RALGAPA1: variants seen among roughly 807,000 people sequenced by gnomAD.
RALGAPA1 encodes Ral GTPase activating protein catalytic subunit alpha 1, also known as ral GTPase-activating protein subunit alpha-1.
RALGAPA1 carries 52 observed loss-of-function variants against 269.6 expected under a neutral mutation model. The ratio of observed to expected loss-of-function variants is 0.19; its 90% CI spans 0.15 to 0.24. RALGAPA1 has a LOEUF of 0.24. RALGAPA1 is among the 10% of genes least tolerant of loss of function. The pLI, the probability that RALGAPA1 is intolerant of heterozygous loss-of-function variation, is 1.00. For synonymous variants in RALGAPA1, 817 were observed against 1,008.3 expected (o/e 0.81, Z 3.60); for missense variants, 1,917 against 3,013.9 (o/e 0.64, Z 8.52).
chr14:35,553,754 A>T (rs1368371619), intron 39 of RALGAPA1, among the ~76,000 whole-genome samples: 1 of 152,214 alleles, frequency 6.6e-6, no homozygotes, highest in African/African-American at 2.4e-5. Context: ...AGATATCAAA[A>T]ATCTGTATAA....
intron 1 of RALGAPA1, among the ~76,000 whole-genome samples, chr14:35,787,863 T>C (rs1421453292): frequency 6.6e-6 from 1 of 152,114 alleles, no homozygotes; most frequent in Non-Finnish European, 1.5e-5. Flanking sequence ...ATTGCAGTTG[T>C]AAGCCACTGC....
At chr14:35,796,406 T>C (rs1328649697) in intron 1 of RALGAPA1, among the ~76,000 whole-genome samples, 4 of 152,190 alleles carry the variant, frequency 2.6e-5, no homozygotes, top group African/African-American at 4.8e-5. Flanking sequence ...ACTAATCTAA[T>C]ATTAATATTC....
chr14:35,772,980 A>T (rs906283411), intron 3 of RALGAPA1, among the ~76,000 whole-genome samples: 4 of 152,212 alleles, frequency 2.6e-5, no homozygotes, highest in Admixed American at 6.5e-5. Flanking sequence ...CATGAGACAC[A>T]TAAACTCTTT....
At chr14:35,564,557 C>T (rs2056543808) in intron 39 of RALGAPA1, 1 of 152,094 alleles carries the variant, frequency 6.6e-6, no homozygotes, top group African/African-American at 2.4e-5. Context: ...TTCTGGTAAT[C>T]TCCCTGATCA....
chr14:35,750,766 A>T, intron 8 of RALGAPA1, 76 bp from the exon 9 acceptor site: 1 of 1,204,540 alleles, frequency 8.3e-7, no homozygotes, highest in Non-Finnish European at 1.2e-6. Flanking sequence ...ATTTTTAAAT[A>T]CTTGAGAAAA....
intron 36 of RALGAPA1, among the ~76,000 whole-genome samples, chr14:35,603,022 C>T (rs1357011091): frequency 3.3e-5 from 5 of 152,198 alleles, no homozygotes; most frequent in African/African-American, 9.6e-5. Context: ...ATGGTTGTGG[C>T]ACCCTTGTCA....
intron 32 of RALGAPA1, among the ~76,000 whole-genome samples, chr14:35,635,173 A>G (rs1161573110): frequency 7.9e-6 from 1 of 126,058 alleles, no homozygotes; most frequent in Non-Finnish European, 1.5e-5. Flanking sequence ...CTCCGTTTCA[A>G]TAAAAGAAAA....
At chr14:35,806,925 G>A (rs1309831099) in intron 1 of RALGAPA1, among the ~76,000 whole-genome samples, 2 of 152,030 alleles carry the variant, frequency 1.3e-5, no homozygotes, top group African/African-American at 2.4e-5. Context: ...AACAATAAAA[G>A]ACTTGTTTTT....
intron 39 of RALGAPA1, among the ~76,000 whole-genome samples, chr14:35,560,139 C>A (rs1386475873): frequency 6.6e-6 from 1 of 152,318 alleles, no homozygotes; most frequent in South Asian, 2.1e-4. Flanking sequence ...GTAATTGTTT[C>A]GCTAGTCAAC....
intron 16 of RALGAPA1, among the ~76,000 whole-genome samples, chr14:35,713,309 G>C (rs544319047): frequency 6.6e-6 from 1 of 152,302 alleles, no homozygotes; most frequent in South Asian, 2.1e-4. Flanking sequence ...GATTCAATCA[G>C]AGTTTGGGGA....
chr14:35,570,519 C>A (rs967340874), intron 39 of RALGAPA1, 98 bp downstream of exon 39: 47 of 969,346 alleles, frequency 4.8e-5, no homozygotes, highest in Non-Finnish European at 6.1e-5. Context: ...ATTAAAAAAA[C>A]CCTAGAAAAT....
In RALGAPA1 at chr14:35,809,146, C is replaced by T; in HGVS notation, c.-311G>A. 3.4e-6 allele frequency: 1 copy of T among 295,954 alleles called. No homozygotes were observed. Among genetic ancestry groups the T allele is most frequent in the East Asian group, 8.4e-5 (1 of 11,872 alleles). 18.3% of individuals were successfully genotyped at this position (295,954 alleles called of 1,614,324 possible). A position where few individuals can be genotyped will look rare whatever the true frequency, so the allele number is the denominator to read the frequency against. On this transcript the variant is annotated 5_prime_UTR_variant, in exon 1 of 42. Coordinates refer to ENST00000680220, the MANE Select transcript of RALGAPA1 (RefSeq NM_001346249.2). ...GCCGCCGCTCGTCTCCAGCGGCCGC[C>T]GCTCGCCGCCACAGGCCGGGGCCCC...
In RALGAPA1 at chr14:35,597,438, G is replaced by C. The variant is rs557186923; in HGVS notation, c.7054-1649C>G. Among the ~76,000 whole-genome samples, 14 of 152,262 alleles carry C rather than the reference G, an allele frequency of 9.2e-5. No homozygotes were observed. In the South Asian group the frequency reaches 2.9e-3, roughly 32 times the overall value. On this transcript the variant is annotated intron_variant, in intron 36 of 41. Transcript: ENST00000680220. The stretch of plus-strand genomic sequence containing the variant: ...AAGTCAATTCTCTGATAATGTAAAG[G>C]AGAAAGTCTCAGTTTAGTGTTCCTT...
intron 17 of RALGAPA1, among the ~76,000 whole-genome samples, chr14:35,695,725 T>C (rs927190057): frequency 2.6e-5 from 4 of 152,242 alleles, no homozygotes; most frequent in African/African-American, 9.6e-5. Context: ...ACCATGTTTA[T>C]ATACTTTTAT....
chr14:35,599,100 A>G (rs1594759889), intron 36 of RALGAPA1, among the ~76,000 whole-genome samples: 2 of 152,332 alleles, frequency 1.3e-5, no homozygotes, highest in African/African-American at 4.8e-5. Flanking sequence ...CTACCTTACT[A>G]TATGTTCCTT....
intron 36 of RALGAPA1, among the ~76,000 whole-genome samples, chr14:35,599,155 C>T (rs1259501464): frequency 6.6e-6 from 1 of 152,184 alleles, no homozygotes; most frequent in East Asian, 1.9e-4. Context: ...ATTTCCTCTA[C>T]ATATATTTGA....
At chr14:35,634,993 A>C (rs2061581013) in intron 32 of RALGAPA1, among the ~76,000 whole-genome samples, 1 of 152,066 alleles carries the variant, frequency 6.6e-6, no homozygotes, top group African/African-American at 2.4e-5. Context: ...CAACATGGCG[A>C]AACGCTGTGT....
At chr14:35,714,279 A>G (rs1287710804) in intron 16 of RALGAPA1, among the ~76,000 whole-genome samples, 1 of 152,130 alleles carries the variant, frequency 6.6e-6, no homozygotes. Context: ...ATTTCTCCAC[A>G]TCCTCACCAA....
rs905981531 is a variant in RALGAPA1, at chr14:35,783,035, G to A, written c.107-7290C>T. Among the ~76,000 whole-genome samples, 8 of 151,766 alleles carry A rather than the reference G, an allele frequency of 5.3e-5. No individual in the cohort carries two copies. The East Asian group carries it at 1.4e-3, about 26-fold the overall frequency. The stretch of plus-strand genomic sequence containing the variant: ...ACAGGCATTGCCACATGTTGCCCAG[G>A]CTGGTCTCAAACTCCCGGACTCAAG... On this transcript the variant is annotated intron_variant, in intron 1 of 41. Coordinates refer to ENST00000680220, the MANE Select transcript of RALGAPA1 (RefSeq NM_001346249.2).
Sources: gnomAD v4.1 joint callset for allele counts (sites outside exome capture counted in the v4.1 genomes callset) on GRCh38, gnomAD v4.1.1 for gene constraint, MANE v1.5 for transcripts, NCBI Gene and HGNC (gene_info 2026-07-23, HGNC 2026-07-21) for gene names.